STT3B: variants seen among roughly 807,000 people sequenced by gnomAD.
STT3B encodes STT3 oligosaccharyltransferase complex catalytic subunit B.
STT3B carries 29 observed loss-of-function variants against 96.8 expected under a neutral mutation model. The ratio of observed to expected loss-of-function variants is 0.30; its 90% CI spans 0.22 to 0.41. The LOEUF is 0.41. STT3B is among the 10% of genes least tolerant of loss of function. The pLI, the probability that STT3B is intolerant of heterozygous loss-of-function variation, is 1.00. For synonymous variants in STT3B, 367 were observed against 360.0 expected (o/e 1.02, Z -0.22); for missense variants, 640 against 1,022.3 (o/e 0.63, Z 5.10).
chr3:31,600,519 A>G, intron 5 of STT3B, 60 bp downstream of exon 5: 1 of 753,908 alleles, frequency 1.3e-6, no homozygotes, highest in Non-Finnish European at 2.2e-6. Context: ...CATTCATTTT[A>G]TTGAAGAGAT....
At chr3:31,534,363 C>CT (rs1353004496) in intron 1 of STT3B, among the ~76,000 whole-genome samples, 3 of 152,050 alleles carry the variant, frequency 2.0e-5, no homozygotes, top group South Asian at 2.1e-4. Flanking sequence ...ATTGCTTTAA[C>CT]TTTTTTTTCG....
intron 2 of STT3B, among the ~76,000 whole-genome samples, chr3:31,578,067 T>G (rs1698298908): frequency 6.6e-6 from 1 of 152,136 alleles, no homozygotes; most frequent in Non-Finnish European, 1.5e-5. Context: ...ATACTTAAGG[T>G]TATTATAAAT....
chr3:31,630,730 C>A (rs922526691), intron 14 of STT3B, among the ~76,000 whole-genome samples: 1 of 151,884 alleles, frequency 6.6e-6, no homozygotes. Context: ...AGATAACTAT[C>A]AAAACTAAAG....
intron 12 of STT3B, 74 bp from the exon 13 acceptor site, chr3:31,625,880 G>T (rs1397949855): frequency 7.4e-7 from 1 of 1,360,024 alleles, no homozygotes; most frequent in Admixed American, 2.4e-5. Flanking sequence ...CCATGTTGTA[G>T]TAAAAAATAT....
At chr3:31,559,385 GT>G (rs1032629250) in intron 1 of STT3B, among the ~76,000 whole-genome samples, 1 of 150,626 alleles carries the variant, frequency 6.6e-6, no homozygotes, top group Non-Finnish European at 1.5e-5. Flanking sequence ...ATAGGTTTGG[GT>G]ATGTCATGTT....
chr3:31,594,528 C>A (rs1401670044), intron 3 of STT3B, among the ~76,000 whole-genome samples: 1 of 151,888 alleles, frequency 6.6e-6, no homozygotes, highest in African/African-American at 2.4e-5. Flanking sequence ...CTCCCGGGTT[C>A]AAGTGATTCT....
chr3:31,579,168 A>G (rs1179327386), intron 2 of STT3B, among the ~76,000 whole-genome samples: 1 of 151,894 alleles, frequency 6.6e-6, no homozygotes, highest in Non-Finnish European at 1.5e-5. Context: ...TTTCCCTTTT[A>G]TCCCTAAGTA....
intron 1 of STT3B, among the ~76,000 whole-genome samples, chr3:31,551,242 G>T (rs1334067232): frequency 6.6e-6 from 1 of 151,434 alleles, no homozygotes; most frequent in African/African-American, 2.4e-5. Context: ...TTTTGATAGG[G>T]TCTTGTTCTG....
chr3:31,554,503 A>T (rs190502546), intron 1 of STT3B, among the ~76,000 whole-genome samples: 2 of 152,184 alleles, frequency 1.3e-5, no homozygotes. Flanking sequence ...CAAAAACTTG[A>T]AAGATAAGTG....
At chr3:31,581,327 T>C (rs1698379024) in intron 3 of STT3B, among the ~76,000 whole-genome samples, 1 of 152,222 alleles carries the variant, frequency 6.6e-6, no homozygotes, top group Non-Finnish European at 1.5e-5. Context: ...AGCAAATGTA[T>C]AATTTTTGAA....
chr3:31,632,791 G>T, intron 14 of STT3B, 144 bp from the exon 15 acceptor site: 1 of 669,650 alleles, frequency 1.5e-6, no homozygotes, highest in Non-Finnish European at 2.5e-6. Context: ...AGCAATACAT[G>T]AGAACTATTA....
At chr3:31,627,820 A>G (rs192485807) in intron 13 of STT3B, among the ~76,000 whole-genome samples, 4 of 152,332 alleles carry the variant, frequency 2.6e-5, no homozygotes, top group Non-Finnish European at 1.5e-5. Flanking sequence ...TTCTAAATGT[A>G]TGCTTTGAAC....
At chr3:31,533,572 AGGAGTGTGGATGCAGCCGCCG>A (rs1163679172) in intron 1 of STT3B, 4 of 300,196 alleles carry the variant, frequency 1.3e-5, no homozygotes, top group Admixed American at 5.4e-5. Context: ...GAAGACTGCC[AGGAGTGTGGATGCAGCCGCCG>A]GGAGTGTGGG....
chr3:31,540,788 A>G (rs1281204661), intron 1 of STT3B, among the ~76,000 whole-genome samples: 3 of 152,200 alleles, frequency 2.0e-5, no homozygotes, highest in Non-Finnish European at 4.4e-5. Context: ...AAATTCTAGT[A>G]TATCCACAGC....
At position 31,629,280 on chromosome 3, in the gene STT3B, G is replaced by C. The variant is rs778918558; in HGVS notation, c.2074-18G>C. On this transcript the variant is annotated intron_variant, in intron 13 of 15. Coordinates refer to ENST00000295770, the MANE Select transcript of STT3B (RefSeq NM_178862.3). Reference sequence around the variant, plus strand: ...GTTAACTTGAACTAACATAGAACTTGTGGTTTCTTTCTTGTAGGAAAGTGA... The same window carrying C: ...GTTAACTTGAACTAACATAGAACTTCTGGTTTCTTTCTTGTAGGAAAGTGA... 7 of 1,357,886 alleles carry C rather than the reference G, an allele frequency of 5.2e-6. No homozygotes were observed. The Admixed American group carries it at 1.2e-4, about 24-fold the overall frequency. 84.1% of individuals were successfully genotyped at this position (1,357,886 alleles called of 1,614,324 possible). A position where few individuals can be genotyped will look rare whatever the true frequency, so the allele number is the denominator to read the frequency against.
intron 3 of STT3B, among the ~76,000 whole-genome samples, chr3:31,582,149 T>G (rs1698419663): frequency 6.6e-6 from 1 of 151,552 alleles, no homozygotes; most frequent in African/African-American, 2.4e-5. Flanking sequence ...TTGGTTTCAT[T>G]GATTTTTTTC....
intron 3 of STT3B, among the ~76,000 whole-genome samples, chr3:31,587,291 C>T (rs574678814): frequency 5.9e-5 from 9 of 152,218 alleles, no homozygotes; most frequent in African/African-American, 1.7e-4. Flanking sequence ...TGATCAGTGA[C>T]TTTCCATTTT....
chr3:31,556,894 C>T (rs750292608), intron 1 of STT3B, among the ~76,000 whole-genome samples: 35 of 152,122 alleles, frequency 2.3e-4, no homozygotes, highest in Non-Finnish European at 4.6e-4. Flanking sequence ...TGGTTTAATA[C>T]AGTGCCATTT....
intron 3 of STT3B, among the ~76,000 whole-genome samples, chr3:31,591,809 G>A (rs1698670611): frequency 6.6e-6 from 1 of 151,922 alleles, no homozygotes; most frequent in African/African-American, 2.4e-5. Context: ...ACCATTTCCA[G>A]TATTCTTTAT....
Sources: allele counts gnomAD v4.1 joint callset (sites outside exome capture counted in the v4.1 genomes callset), GRCh38; gene constraint gnomAD v4.1.1; transcripts MANE v1.5; gene names NCBI Gene and HGNC (gene_info 2026-07-23, HGNC 2026-07-21).